AUTS2: variants seen among roughly 807,000 people sequenced by gnomAD.
AUTS2 encodes activator of transcription and developmental regulator AUTS2.
Under a neutral mutation model 112.4 loss-of-function variants are expected in AUTS2, and 17 were observed. The observed-to-expected ratio is 0.15, with a 90% CI of 0.10 to 0.23. The LOEUF is 0.23. AUTS2 is among the 10% of genes least tolerant of loss of function. The probability of loss-of-function intolerance (pLI) is 1.00; values close to 1 mark genes in which losing one functional copy is unlikely to be tolerated. For missense variants in AUTS2, 1,510 were observed against 1,701.6 expected (o/e 0.89, Z 1.98); for synonymous variants, 751 against 702.7 (o/e 1.07, Z -1.09).
chr7:70,505,646 G>A (rs1465403831), intron 5 of AUTS2, among the ~76,000 whole-genome samples: 1 of 152,180 alleles, frequency 6.6e-6, no homozygotes, highest in Non-Finnish European at 1.5e-5. Context: ...CAGATTGCAC[G>A]TGGCTCCTGT....
At position 70,075,156 on chromosome 7, in the gene AUTS2, C is replaced by T. The variant is rs145237809; in HGVS notation, c.523-42976C>T. Among the ~76,000 whole-genome samples the T allele has an allele frequency of 1.9e-3, 293 of 152,328 alleles. 1 individual carries two copies. Among genetic ancestry groups the T allele is most frequent in the Non-Finnish European group, 3.4e-3 (228 of 68,028 alleles). ...TGGCTCCATCCAGAACAATTCCCCT[C>T]CCACTGGACATCAAAAGATTGCATT... is the stretch of plus-strand genomic sequence containing the variant. On this transcript the variant is annotated intron_variant, in intron 2 of 18. Transcript: ENST00000342771.
intron 1 of AUTS2, among the ~76,000 whole-genome samples, chr7:69,762,931 T>G (rs1190694552): frequency 6.6e-6 from 1 of 152,186 alleles, no homozygotes. Context: ...TAAAAAATGC[T>G]TTTTTGTTTG....
chr7:70,332,844 C>G (rs989731090), intron 4 of AUTS2, among the ~76,000 whole-genome samples: 2 of 152,092 alleles, frequency 1.3e-5, no homozygotes, highest in African/African-American at 2.4e-5. Flanking sequence ...AACATAAGAC[C>G]TAGAACCATA....
intron 4 of AUTS2, among the ~76,000 whole-genome samples, chr7:70,316,153 A>G (rs989086022): frequency 1.3e-5 from 2 of 152,384 alleles, no homozygotes; most frequent in African/African-American, 4.8e-5. Context: ...TAAGTGGTTG[A>G]TTAACCAAAA....
chr7:69,699,699 C>T (rs983779685), intron 1 of AUTS2, among the ~76,000 whole-genome samples: 1 of 143,460 alleles, frequency 7.0e-6, no homozygotes, highest in African/African-American at 2.6e-5. Context: ...GGCTGGGGTG[C>T]AGTGGCACAA....
chr7:70,372,389 A>T (rs1196079915), intron 4 of AUTS2, among the ~76,000 whole-genome samples: 1 of 152,196 alleles, frequency 6.6e-6, no homozygotes, highest in Non-Finnish European at 1.5e-5. Context: ...TGCTAAAAAG[A>T]TGTGCAGTAA....
At chr7:70,249,292 G>A (rs1226960304) in intron 4 of AUTS2, among the ~76,000 whole-genome samples, 1 of 151,800 alleles carries the variant, frequency 6.6e-6, no homozygotes, top group Non-Finnish European at 1.5e-5. Context: ...TTTAAATTAC[G>A]TTTTATTTAA....
intron 1 of AUTS2, among the ~76,000 whole-genome samples, chr7:69,789,856 A>G (rs1454387781): frequency 1.3e-5 from 2 of 152,148 alleles, no homozygotes; most frequent in Non-Finnish European, 2.9e-5. Flanking sequence ...AATACCTGTC[A>G]TTGTTAGATT....
intron 1 of AUTS2, among the ~76,000 whole-genome samples, chr7:69,897,585 C>CA (rs1372464590): frequency 0.016 from 1,510 of 96,612 alleles, 8 homozygotes; most frequent in East Asian, 0.039. Flanking sequence ...ACTAAAAATA[C>CA]AAAAAAAAAA....
At chr7:70,555,030 C>T (rs1801189595) in intron 5 of AUTS2, among the ~76,000 whole-genome samples, 1 of 152,198 alleles carries the variant, frequency 6.6e-6, no homozygotes, top group Non-Finnish European at 1.5e-5. Context: ...GAGCTGGACA[C>T]TGTGAATGCA....
At chr7:69,770,850 C>A (rs210604) in intron 1 of AUTS2, among the ~76,000 whole-genome samples, 58,250 of 151,632 alleles carry the variant, frequency 0.38, 11,450 homozygotes, top group African/African-American at 0.46. Context: ...CATCATTTAA[C>A]GTTAAGGATA....
rs192591633 is a variant in AUTS2, at chr7:70,610,932, A to G, written c.691-87637A>G. On this transcript the variant is annotated intron_variant, in intron 5 of 18. Coordinates refer to ENST00000342771, the MANE Select transcript of AUTS2 (RefSeq NM_015570.4). ...TTGCAAATATTTTCAGCCATTTCATAAGTTCTCTTCACTCTGTTGATTGTT... is the reference window on the plus strand; with the variant it reads ...TTGCAAATATTTTCAGCCATTTCATGAGTTCTCTTCACTCTGTTGATTGTT... 1.6e-3 allele frequency among the ~76,000 whole-genome samples: 251 copies of G among 152,304 alleles called. 2 individuals carry two copies. The highest frequency in any genetic ancestry group is 4.1e-3 in the Admixed American group (63 of 15,300).
intron 1 of AUTS2, among the ~76,000 whole-genome samples, chr7:69,646,055 A>G (rs1795007546): frequency 6.6e-6 from 1 of 151,608 alleles, no homozygotes; most frequent in South Asian, 2.1e-4. Flanking sequence ...CATTAGTTGA[A>G]CTAAGAGGTA....
At chr7:69,887,936 T>G (rs1476881688) in intron 1 of AUTS2, among the ~76,000 whole-genome samples, 2 of 152,168 alleles carry the variant, frequency 1.3e-5, no homozygotes, top group Non-Finnish European at 2.9e-5. Flanking sequence ...CATCCCCTCT[T>G]TAGCATATAG....
chr7:69,783,440 G>C (rs1167421607), intron 1 of AUTS2, among the ~76,000 whole-genome samples: 1 of 152,086 alleles, frequency 6.6e-6, no homozygotes, highest in Non-Finnish European at 1.5e-5. Context: ...CCAGCTGGCA[G>C]ATTTCCCACT....
chr7:69,738,937 T>G (rs1159674856), intron 1 of AUTS2, among the ~76,000 whole-genome samples: 1 of 152,138 alleles, frequency 6.6e-6, no homozygotes, highest in Non-Finnish European at 1.5e-5. Context: ...TAATCAGATA[T>G]CCTGCAGTTA....
intron 1 of AUTS2, among the ~76,000 whole-genome samples, chr7:69,640,456 C>A (rs767628658): frequency 7.2e-5 from 11 of 152,190 alleles, no homozygotes; most frequent in Non-Finnish European, 1.5e-4. Flanking sequence ...CTTATATTTA[C>A]TGAAGATATC....
At chr7:69,921,045 T>C (rs1415051899) in intron 2 of AUTS2, among the ~76,000 whole-genome samples, 1 of 152,230 alleles carries the variant, frequency 6.6e-6, no homozygotes, top group Non-Finnish European at 1.5e-5. Context: ...ATTTGTGATC[T>C]TGGGCTAGAA....
intron 1 of AUTS2, among the ~76,000 whole-genome samples, chr7:69,750,244 G>A (rs1787677291): frequency 6.6e-6 from 1 of 151,936 alleles, no homozygotes; most frequent in African/African-American, 2.4e-5. Flanking sequence ...GGGTGTGTGG[G>A]TTCTCAAGTT....
Sources: gnomAD v4.1 joint callset for allele counts (sites outside exome capture counted in the v4.1 genomes callset) on GRCh38, gnomAD v4.1.1 for gene constraint, MANE v1.5 for transcripts, NCBI Gene and HGNC (gene_info 2026-07-23, HGNC 2026-07-21) for gene names.